Variants in DHX36 observed in about 807,000 individuals in gnomAD.
The protein encoded by DHX36 is DEAH-box helicase 36.
A neutral mutation model predicts 139.0 loss-of-function variants in DHX36; 50 were observed. That is an observed-to-expected ratio of 0.36 (90% CI 0.29 to 0.46). The LOEUF (loss-of-function observed/expected upper bound fraction) is 0.46. DHX36 is among the 20% of genes least tolerant of loss of function. DHX36 has a pLI of 1.00. For missense variants in DHX36, 1,024 were observed against 1,211.3 expected, an observed-to-expected ratio of 0.85 and a Z score of 2.29; for synonymous variants, 425 against 401.9, an observed-to-expected ratio of 1.06 and a Z score of -0.69.
chr3:154,290,620 C>T (rs1377799808), intron 15 of DHX36, among the ~76,000 whole-genome samples: 6 of 109,686 alleles, frequency 5.5e-5, no homozygotes, highest in Non-Finnish European at 8.6e-5. Context: ...GGTGACACAG[C>T]GAGACTTCAT....
chr3:154,311,379 C>T (rs1712758773), intron 4 of DHX36, among the ~76,000 whole-genome samples: 1 of 151,980 alleles, frequency 6.6e-6, no homozygotes, highest in Non-Finnish European at 1.5e-5. Context: ...TTTATCCAAA[C>T]TAACTTATAG....
Position 154,295,357 on chromosome 3 carries a change from T to C in DHX36, c.1550-18A>G, listed in dbSNP as rs374120532. 5 of 1,379,712 alleles carry C rather than the reference T, an allele frequency of 3.6e-6. No homozygotes were observed. Among genetic ancestry groups the C allele is most frequent in the Non-Finnish European group, 5.0e-6 (5 of 1,003,894 alleles). 85.5% of individuals were successfully genotyped at this position (1,379,712 alleles called of 1,614,324 possible). On this transcript the variant is annotated intron_variant, in intron 12 of 24. Coordinates refer to ENST00000496811, the MANE Select transcript of DHX36 (RefSeq NM_020865.3). Reference sequence around the variant, plus strand: ...AAATTTATCTGAAAATTAAAGAGAATTAAATTTTAAGATAAAGAGTTGCAG... The same window carrying C: ...AAATTTATCTGAAAATTAAAGAGAACTAAATTTTAAGATAAAGAGTTGCAG...
chr3:154,299,609 G>T (rs748879434), intron 12 of DHX36: 102 of 468,198 alleles, frequency 2.2e-4, no homozygotes, highest in Non-Finnish European at 3.5e-4. Flanking sequence ...TTTTGCAGCA[G>T]TAAGTGAAAA....
intron 11 of DHX36, 26 bp from the exon 12 acceptor site, chr3:154,299,951 C>T (rs935537355): frequency 6.7e-7 from 1 of 1,495,162 alleles, no homozygotes; most frequent in African/African-American, 1.4e-5. Flanking sequence ...ATAACCATTA[C>T]AAAGGATCAC....
At chr3:154,306,564 A>C (rs1365595748) in intron 5 of DHX36, among the ~76,000 whole-genome samples, 3 of 152,126 alleles carry the variant, frequency 2.0e-5, no homozygotes, top group Non-Finnish European at 2.9e-5. Context: ...TCATTAATTT[A>C]TACTTTTCTG....
intron 11 of DHX36, 23 bp from the exon 12 acceptor site, chr3:154,299,948 T>C (rs767132423): frequency 6.5e-7 from 1 of 1,534,570 alleles, no homozygotes; most frequent in Non-Finnish European, 9.0e-7. Context: ...GAAATAACCA[T>C]TACAAAGGAT....
At chr3:154,309,925 C>A in intron 4 of DHX36, 102 bp from the exon 5 acceptor site, 1 of 906,972 alleles carries the variant, frequency 1.1e-6, no homozygotes, top group Non-Finnish European at 1.6e-6. Flanking sequence ...TTTTAACAAA[C>A]ATATTAATGC....
chr3:154,317,388 G>C (rs1713027908), intron 1 of DHX36, among the ~76,000 whole-genome samples: 1 of 151,914 alleles, frequency 6.6e-6, no homozygotes, highest in Non-Finnish European at 1.5e-5. Context: ...AGAAATTTTG[G>C]AGTGTTCTGC....
chr3:154,292,492 ATTTTGTTACACAAAAT>A, intron 15 of DHX36, 43 bp downstream of exon 15: 1 of 1,602,218 alleles, frequency 6.2e-7, no homozygotes, highest in Middle Eastern at 1.7e-4. Flanking sequence ...CCAACATCAC[ATTTTGTTACACAAAAT>A]TTTTGTGTGT....
intron 1 of DHX36, among the ~76,000 whole-genome samples, chr3:154,321,297 C>A (rs1378578004): frequency 2.0e-5 from 3 of 152,160 alleles, no homozygotes; most frequent in Non-Finnish European, 4.4e-5. Context: ...TACAGTTTCT[C>A]GAACTGAAAA....
intron 16 of DHX36, among the ~76,000 whole-genome samples, chr3:154,289,277 T>G (rs1711690062): frequency 6.6e-6 from 1 of 152,208 alleles, no homozygotes; most frequent in Non-Finnish European, 1.5e-5. Context: ...GATTACTCAC[T>G]ATCTTCAAAA....
intron 14 of DHX36, among the ~76,000 whole-genome samples, chr3:154,293,534 A>G (rs1711908522): frequency 6.6e-6 from 1 of 152,210 alleles, no homozygotes; most frequent in African/African-American, 2.4e-5. Flanking sequence ...GTGAGCCATG[A>G]TCGTGCCACT....
At chr3:154,284,505 A>G in intron 19 of DHX36, 78 bp downstream of exon 19, 4 of 1,288,332 alleles carry the variant, frequency 3.1e-6, no homozygotes, top group Non-Finnish European at 4.3e-6. Context: ...TCAAAAGGTT[A>G]AATATGATCC....
rs1373936525 is a variant in DHX36, at chr3:154,283,415, T to G, written c.2293-144A>C. ...AAAATTCAAAGAATTTTATAACTGA[T>G]AAAACTAAAAACACATACACTCCCC... On this transcript the variant is annotated intron_variant, in intron 19 of 24. Coordinates refer to ENST00000496811, the MANE Select transcript of DHX36 (RefSeq NM_020865.3). The G allele has an allele frequency of 6.5e-6, 4 of 615,764 alleles. No homozygotes were observed. The Admixed American group carries it at 1.2e-4, about 18-fold the overall frequency. 38.1% of individuals were successfully genotyped at this position (615,764 alleles called of 1,614,324 possible). A position where few individuals can be genotyped will look rare whatever the true frequency, so the allele number is the denominator to read the frequency against.
At position 154,299,920 on chromosome 3, in the gene DHX36, A is replaced by C. The variant is rs1576869951; in HGVS notation, c.1467T>G (p.Gly489=). 4.3e-6 allele frequency: 7 copies of C among 1,610,344 alleles called. No homozygotes were observed. The highest frequency in any genetic ancestry group is 5.9e-6 in the Non-Finnish European group (7 of 1,176,570). The part of the protein sequence containing the change: ...IRYIVLEEED[G]AILVFLPGWD... Reference sequence around the variant, plus strand: ...AGCCTGGCAGAAAGACCAGTATCGCACCATCCTATATGAAGGGGAAATAAC... The same window carrying C: ...AGCCTGGCAGAAAGACCAGTATCGCCCCATCCTATATGAAGGGGAAATAAC... The change falls in exon 12 of 25, where the codon GGT becomes GGG. Residue 489 remains glycine, a synonymous_variant. Coordinates refer to ENST00000496811, the MANE Select transcript of DHX36 (RefSeq NM_020865.3).
intron 13 of DHX36, 32 bp downstream of exon 13, chr3:154,295,252 A>T (rs759313066): frequency 2.1e-6 from 3 of 1,411,350 alleles, no homozygotes; most frequent in Non-Finnish European, 2.9e-6. Context: ...TCAGTTTGAA[A>T]TACATTTAAC....
intron 9 of DHX36, among the ~76,000 whole-genome samples, chr3:154,303,069 T>G (rs1473158592): frequency 6.6e-6 from 1 of 152,062 alleles, no homozygotes; most frequent in Non-Finnish European, 1.5e-5. Flanking sequence ...AGAGAGAGAC[T>G]CTGTCTCAAT....
At chr3:154,283,612 T>C (rs1387340294) in intron 19 of DHX36, among the ~76,000 whole-genome samples, 3 of 152,132 alleles carry the variant, frequency 2.0e-5, no homozygotes, top group South Asian at 4.1e-4. Flanking sequence ...ATTATATATT[T>C]TCAAATTCAC....
chr3:154,298,622 A>C (rs1446051236), intron 12 of DHX36, among the ~76,000 whole-genome samples: 1 of 152,214 alleles, frequency 6.6e-6, no homozygotes, highest in Non-Finnish European at 1.5e-5. Context: ...TCTAGTGCCT[A>C]TAAATTTTGT....
Sources: gnomAD v4.1 joint callset for allele counts (sites outside exome capture counted in the v4.1 genomes callset) on GRCh38, gnomAD v4.1.1 for gene constraint, MANE v1.5 for transcripts, NCBI Gene and HGNC (gene_info 2026-07-23, HGNC 2026-07-21) for gene names.